The following CTU2 variants were observed in gnomAD, a reference collection of about 807,000 sequenced individuals.
The protein encoded by CTU2 is cytosolic thiouridylase subunit 2.
CTU2 carries 80 observed loss-of-function variants against 64.1 expected under a neutral mutation model. The ratio of observed to expected loss-of-function variants is 1.25; its 90% CI spans 1.04 to 1.50. The LOEUF is 1.50. Ranked by LOEUF, CTU2 falls within the 40% of genes most tolerant of loss-of-function variation. CTU2 has a pLI of 0.00. For synonymous variants in CTU2, 482 were observed against 285.3 expected, an observed-to-expected ratio of 1.69 and a Z score of -6.95; for missense variants, 1,110 against 690.2, an observed-to-expected ratio of 1.61 and a Z score of -6.81.
At chr16:88,711,828 C>T (rs1402153658) in intron 5 of CTU2, 133 bp downstream of exon 5, 2 of 816,732 alleles carry the variant, frequency 2.4e-6, no homozygotes, top group African/African-American at 1.7e-5. Flanking sequence ...TGGTGCTGCC[C>T]CTGCACTGAG....
chr16:88,714,974 G>C, intron 13 of CTU2, 48 bp downstream of exon 13: 1 of 1,522,394 alleles, frequency 6.6e-7, no homozygotes, highest in East Asian at 2.5e-5. Flanking sequence ...GACGCGGGAA[G>C]GCCGTCACCT....
chr16:88,714,710 A>T lies in CTU2; in HGVS notation c.1325A>T (p.Gln442Leu). ...TGTTCTCCAGGGGTGGGCTGGGCCCAGCGCTGTGGCCAGGGGGCCTGCAGG... is the reference window on the plus strand; with the variant it reads ...TGTTCTCCAGGGGTGGGCTGGGCCCTGCGCTGTGGCCAGGGGGCCTGCAGG... ...PCCSPGVGWAQRCGQGACRRE... is the reference protein window; with the variant it reads ...PCCSPGVGWALRCGQGACRRE... Residue 442 changes from glutamine to leucine, a missense_variant, in exon 12 of 15, where the codon CAG becomes CTG. Physicochemically the swap from Gln to Leu is moderately radical, Grantham distance 113. Coordinates refer to ENST00000453996, the MANE Select transcript of CTU2 (RefSeq NM_001012759.3). 1 of 1,609,982 alleles carries T rather than the reference A, an allele frequency of 6.2e-7. No individual in the cohort carries two copies. The highest frequency in any genetic ancestry group is 8.5e-7 in the Non-Finnish European group (1 of 1,178,592).
In CTU2 at chr16:88,712,805, C is replaced by G. The variant is rs1368566456; in HGVS notation, c.637C>G (p.Leu213Val). 1.9e-6 allele frequency: 3 copies of G among 1,606,648 alleles called. No individual in the cohort carries two copies. Among genetic ancestry groups the G allele is most frequent in the Non-Finnish European group, 2.5e-6 (3 of 1,177,226 alleles). The part of the protein sequence containing the change: ...PPQPPLDPQN[L>V]ARPPAPAQTE... ...CCAGCCCCCGCTGGACCCCCAGAAC[C>G]TGGCAAGACCGCCTGCCCCTGCCCA... Residue 213 changes from leucine to valine, a missense_variant, in exon 7 of 15, where the codon CTG (leucine) becomes GTG (valine). By Grantham distance (32) the Leu-to-Val change is conservative. Transcript: ENST00000453996.
rs1377661588 is a variant in CTU2 at position 88,706,560 on chromosome 16, G to C, written c.30G>C (p.Glu10Asp). 4.8e-6 allele frequency: 7 copies of C among 1,458,760 alleles called. No homozygotes were observed. The highest frequency in any genetic ancestry group is 1.5e-5 in the African/African-American group (1 of 67,560). 90.4% of individuals were successfully genotyped at this position (1,458,760 alleles called of 1,614,324 possible). Reference protein sequence around the residue: MCQVGEDYGEPAPEEPPPAP... With the variant: MCQVGEDYGDPAPEEPPPAP... ...GTCAGGTGGGCGAGGACTACGGGGAGCCGGCGCCTGAGGAGCCGCCCCCGG... is the reference window on the plus strand; with the variant it reads ...GTCAGGTGGGCGAGGACTACGGGGACCCGGCGCCTGAGGAGCCGCCCCCGG... Residue 10 changes from glutamate to aspartate, a missense_variant, in exon 1 of 15, where the codon GAG becomes GAC. Transcript: ENST00000453996.
chr16:88,712,579 GC>G (rs1402462215), intron 6 of CTU2, 42 bp from the exon 7 acceptor site: 1 of 1,590,424 alleles, frequency 6.3e-7, no homozygotes, highest in East Asian at 2.2e-5. Context: ...GGGGGCACCT[GC>G]CCGTGTCCCG....
At chr16:88,710,148 C>A in intron 3 of CTU2, 75 bp from the exon 4 acceptor site, 1 of 1,590,664 alleles carries the variant, frequency 6.3e-7, no homozygotes, top group South Asian at 1.1e-5. Flanking sequence ...GACTCGATGT[C>A]CTAGATGTCC....
chr16:88,706,731 G>A, intron 1 of CTU2, 133 bp downstream of exon 1: 1 of 641,016 alleles, frequency 1.6e-6, no homozygotes, highest in Non-Finnish European at 2.4e-6. Flanking sequence ...AGCACTCGGG[G>A]AATGCCTGTC....
intron 14 of CTU2, 21 bp from the exon 15 acceptor site, chr16:88,715,161 C>T (rs372753830): frequency 6.2e-7 from 1 of 1,610,964 alleles, no homozygotes; most frequent in Non-Finnish European, 8.5e-7. Context: ...GGGCTGGTGC[C>T]CACTGCAGCT....
chr16:88,706,736 C>A lies in CTU2; in HGVS notation c.68+138C>A, dbSNP rs1195500457. The A allele has an allele frequency of 8.0e-6, 5 of 622,506 alleles. No individual in the cohort carries two copies. The South Asian group carries it at 1.1e-4, about 14-fold the overall frequency. 38.6% of individuals were successfully genotyped at this position (622,506 alleles called of 1,614,324 possible). On this transcript the variant is annotated intron_variant, in intron 1 of 14. Coordinates refer to ENST00000453996, the MANE Select transcript of CTU2 (RefSeq NM_001012759.3). ...CTCGCTCCCTAGCACTCGGGGAATG[C>A]CTGTCAAGCGGTGACGGCCACCTAG...
At chr16:88,713,833 G>A in intron 9 of CTU2, 55 bp downstream of exon 9, 9 of 1,606,432 alleles carry the variant, frequency 5.6e-6, no homozygotes, top group Non-Finnish European at 7.7e-6. Context: ...GGTGGGCCAT[G>A]TGGGCTGGGC....
rs759695208 is a variant in CTU2 at position 88,714,393 on chromosome 16, A to G, written c.1108A>G (p.Lys370Glu). Residue 370 changes from lysine (K) to glutamate (E), a missense_variant, in exon 11 of 15, where the codon AAG (lysine) becomes GAG (glutamate). Physicochemically the swap from Lys to Glu is moderately conservative, Grantham distance 56 (BLOSUM62 1). Transcript: ENST00000453996. ...ACAATCCGGCCACAGGACAAGTGAG[A>G]AGCTGGTGAAGGGCCCCCGGGATGG... ...TVSTVYRTSEKLVKGPRDGPA... is the reference protein window; with the variant it reads ...TVSTVYRTSEELVKGPRDGPA... 11 of 1,612,282 alleles carry G rather than the reference A, an allele frequency of 6.8e-6. No individual in the cohort carries two copies. The highest frequency in any genetic ancestry group is 4.0e-5 in the African/African-American group (3 of 74,896).
In CTU2 at chr16:88,714,902, C is replaced by G. The variant is rs765973730; in HGVS notation, c.1395C>G (p.Ser465Arg). The change falls in exon 13 of 15, where the codon AGC becomes AGG. Residue 465 changes from serine to arginine, a missense_variant. By Grantham distance (110) the Ser-to-Arg change is moderately radical (BLOSUM62 -1). Coordinates refer to ENST00000453996, the MANE Select transcript of CTU2 (RefSeq NM_001012759.3). ...QACIEEQLCY[S>R]CRVNMKDLPS... ...GCATTGAGGAGCAGCTGTGCTACAG[C>G]TGCCGCGTGAACATGAAGGACTTGG... 2.5e-6 allele frequency: 4 copies of G among 1,612,668 alleles called. No homozygotes were observed. The highest frequency in any genetic ancestry group is 4.5e-5 in the East Asian group (2 of 44,888).
At position 88,713,477 on chromosome 16, in the gene CTU2, C is replaced by A. The variant is rs200950022; in HGVS notation, c.873+30C>A. ...GCAGGGGCCTGGGTGTTCAGGAGGCCCATCCTCACCTTCACCCCTTCGGCC... is the reference window on the plus strand; with the variant it reads ...GCAGGGGCCTGGGTGTTCAGGAGGCACATCCTCACCTTCACCCCTTCGGCC... On this transcript the variant is annotated intron_variant, in intron 8 of 14. Transcript: ENST00000453996. 13 of 1,560,914 alleles carry A rather than the reference C, an allele frequency of 8.3e-6. No homozygotes were observed. In the South Asian group the frequency reaches 9.4e-5, roughly 11 times the overall value.
intron 1 of CTU2, chr16:88,706,816 G>A: frequency 1.9e-6 from 1 of 530,534 alleles, no homozygotes. Flanking sequence ...ACTGGGGACG[G>A]CTCTGCCGCT....
At chr16:88,714,063 G>A (rs945320585) in intron 9 of CTU2, 73 bp from the exon 10 acceptor site, 1 of 1,443,398 alleles carries the variant, frequency 6.9e-7, no homozygotes, top group East Asian at 2.3e-5. Flanking sequence ...CACGGCACCT[G>A]TCCTGGGGAC....
At position 88,714,650 on chromosome 16, in the gene CTU2, C is replaced by T. The variant is rs768400688; in HGVS notation, c.1265C>T (p.Pro422Leu). ...SRLSQMQSPI[P>L]LTETRTPPGP... Reference sequence around the variant, plus strand: ...CTCTCCCAGATGCAGTCACCCATCCCCCTGACTGAGACCCGGACACCCCCG... The same window carrying T: ...CTCTCCCAGATGCAGTCACCCATCCTCCTGACTGAGACCCGGACACCCCCG... The change falls in exon 12 of 15, where the codon CCC becomes CTC. Residue 422 changes from proline to leucine, a missense_variant. Physicochemically the swap from Pro to Leu is moderately conservative, Grantham distance 98 (BLOSUM62 -3). Transcript: ENST00000453996. The T allele has an allele frequency of 2.5e-6, 4 of 1,612,602 alleles. No homozygotes were observed. The highest frequency in any genetic ancestry group is 3.4e-6 in the Non-Finnish European group (4 of 1,179,866).
chr16:88,712,015 GTGAGC>G, intron 5 of CTU2: 1 of 304,752 alleles, frequency 3.3e-6, no homozygotes. Flanking sequence ...AGTGCTGATG[GTGAGC>G]GGGGGCCCAG....
chr16:88,715,020 G>C (rs1292071838), intron 13 of CTU2, 28 bp from the exon 14 acceptor site: 13 of 1,581,328 alleles, frequency 8.2e-6, no homozygotes, highest in Non-Finnish European at 1.0e-5. Flanking sequence ...CAGGTTTCTT[G>C]GCCCCTCGAC....
At position 88,714,918 on chromosome 16, in the gene CTU2, A is replaced by AAGGACTTGGTGAGTACG. The variant is rs772012298; in HGVS notation, c.1412_1419+9dup. On this transcript the variant is annotated frameshift_variant, in exon 13 of 15. Coordinates refer to ENST00000453996, the MANE Select transcript of CTU2 (RefSeq NM_001012759.3). LOFTEE classifies it high-confidence loss of function. ...GTGCTACAGCTGCCGCGTGAACATG[A>AAGGACTTGGTGAGTACG]AGGACTTGGTGAGTACGTGCCCACC... The AAGGACTTGGTGAGTACG allele has an allele frequency of 9.9e-6, 16 of 1,612,608 alleles. No individual in the cohort carries two copies. The highest frequency in any genetic ancestry group is 1.7e-5 in the Admixed American group (1 of 60,018).
Sources: gnomAD v4.1 joint callset for allele counts on GRCh38, gnomAD v4.1.1 for gene constraint, MANE v1.5 for transcripts, NCBI Gene and HGNC (gene_info 2026-07-23, HGNC 2026-07-21) for gene names.